SEMA6A: variants seen among roughly 807,000 people sequenced by gnomAD.
SEMA6A encodes semaphorin 6A.
SEMA6A carries 25 observed loss-of-function variants against 96.8 expected under a neutral mutation model. The observed-to-expected ratio is 0.26, with a 90% CI of 0.19 to 0.36. The LOEUF (loss-of-function observed/expected upper bound fraction) is 0.36, where lower values mean the gene tolerates loss of function less well. Among genes scored for constraint, SEMA6A ranks in the 10% least tolerant of loss-of-function variants. The pLI, the probability that SEMA6A is intolerant of heterozygous loss-of-function variation, is 1.00. For synonymous variants in SEMA6A, 612 were observed against 518.0 expected (o/e 1.18, Z -2.46); for missense variants, 1,363 against 1,323.1 (o/e 1.03, Z -0.47).
At chr5:116,487,925 G>A (rs1757138365) in intron 9 of SEMA6A, among the ~76,000 whole-genome samples, 183 bp downstream of exon 9, 1 of 152,072 alleles carries the variant, frequency 6.6e-6, no homozygotes, top group Non-Finnish European at 1.5e-5. Flanking sequence ...ATTTTCCATA[G>A]AAATACTTAA....
In SEMA6A at chr5:116,504,866, T is replaced by C. The variant is rs1241535229; in HGVS notation, c.79A>G (p.Ile27Val). The C allele has an allele frequency of 6.2e-7, 1 of 1,601,016 alleles. No individual in the cohort carries two copies. The highest frequency in any genetic ancestry group is 1.7e-5 in the Admixed American group (1 of 58,612). Residue 27 changes from isoleucine (I) to valine (V), a missense_variant, in exon 2 of 19, where the codon ATC becomes GTC. Coordinates refer to ENST00000343348, the MANE Select transcript of SEMA6A (RefSeq NM_020796.5). Reference protein sequence around the residue: ...GAGFPEDSEPISISHGNYTKQ... With the variant: ...GAGFPEDSEPVSISHGNYTKQ... ...TTACAGTTGCCATGCGAAATACTGA[T>C]TGGCTCAGAATCTTCTGGGAAACCA...
intron 1 of SEMA6A, among the ~76,000 whole-genome samples, chr5:116,518,638 G>A (rs369434292): frequency 3.3e-5 from 5 of 152,312 alleles, no homozygotes; most frequent in African/African-American, 1.2e-4. Context: ...GCATGCCTAG[G>A]CGTGTCACTC....
At chr5:116,564,311 G>C (rs1760939171) in intron 1 of SEMA6A, among the ~76,000 whole-genome samples, 1 of 152,144 alleles carries the variant, frequency 6.6e-6, no homozygotes, top group East Asian at 1.9e-4. Flanking sequence ...CCATTTGTAA[G>C]GAATTCAAAG....
chr5:116,468,835 G>C (rs966179911), intron 17 of SEMA6A: 1 of 152,222 alleles, frequency 6.6e-6, no homozygotes, highest in Admixed American at 6.5e-5. Flanking sequence ...TTGGTGGAAA[G>C]TAGGGCAGAC....
intron 18 of SEMA6A, among the ~76,000 whole-genome samples, chr5:116,460,132 T>C (rs1447190773): frequency 3.3e-5 from 5 of 152,168 alleles, no homozygotes; most frequent in African/African-American, 1.2e-4. Context: ...ATGGTTAACA[T>C]AACAGCTGTT....
intron 18 of SEMA6A, among the ~76,000 whole-genome samples, chr5:116,448,786 C>CA (rs1561461264): frequency 7.3e-6 from 1 of 136,902 alleles, no homozygotes; most frequent in Non-Finnish European, 1.6e-5. Flanking sequence ...ACAGTGCAAA[C>CA]TCAATTTCAG....
intron 7 of SEMA6A, among the ~76,000 whole-genome samples, chr5:116,489,810 G>A (rs1220734200): frequency 6.6e-6 from 1 of 152,120 alleles, no homozygotes; most frequent in African/African-American, 2.4e-5. Flanking sequence ...AGACCTTTTT[G>A]GTTCCTTCCT....
In SEMA6A at chr5:116,446,359, G is replaced by A. The variant is rs373406870; in HGVS notation, c.*254C>T. The A allele has an allele frequency of 2.1e-5, 8 of 386,044 alleles. No homozygotes were observed. The highest frequency in any genetic ancestry group is 8.2e-5 in the African/African-American group (4 of 48,826). 23.9% of individuals were successfully genotyped at this position (386,044 alleles called of 1,614,324 possible). Reference sequence around the variant, plus strand: ...GATAACTGAAGTCTTTTGTGGGTCCGACCTGTTGTAGGGTGTGGGGGAAAG... The same window carrying A: ...GATAACTGAAGTCTTTTGTGGGTCCAACCTGTTGTAGGGTGTGGGGGAAAG... On this transcript the variant is annotated 3_prime_UTR_variant, in exon 19 of 19. Transcript: ENST00000343348.
In SEMA6A at chr5:116,446,890, G is replaced by C; in HGVS notation, c.2816C>G (p.Thr939Ser). The C allele has an allele frequency of 1.2e-6, 2 of 1,613,978 alleles. No homozygotes were observed. Among genetic ancestry groups the C allele is most frequent in the Non-Finnish European group, 8.5e-7 (1 of 1,179,890 alleles). Residue 939 changes from threonine (T) to serine (S), a missense_variant, in exon 19 of 19, where the codon ACT becomes AGT. Around this residue, in one of 2 missense-constraint regions of SEMA6A, gnomAD observed 883 missense variants for 763.6 expected, o/e 1.16. Transcript: ENST00000343348. The part of the protein sequence containing the change: ...HQATTLKRNN[T>S]NSSNSSHLSR... Reference sequence around the variant, plus strand: ...GAGGTGAGAGGAATTGGAGGAGTTAGTGTTGTTTCTTTTGAGAGTGGTGGC... The same window carrying C: ...GAGGTGAGAGGAATTGGAGGAGTTACTGTTGTTTCTTTTGAGAGTGGTGGC...
At chr5:116,552,888 T>C (rs1760473063) in intron 1 of SEMA6A, among the ~76,000 whole-genome samples, 1 of 152,086 alleles carries the variant, frequency 6.6e-6, no homozygotes, top group South Asian at 2.1e-4. Context: ...CTTTTGTGGA[T>C]TGGGTGTAGG....
chr5:116,553,883 T>A (rs557688661), intron 1 of SEMA6A, among the ~76,000 whole-genome samples: 33 of 152,338 alleles, frequency 2.2e-4, no homozygotes, highest in African/African-American at 7.2e-4. Flanking sequence ...TACCATTTTT[T>A]AAAATAAGTA....
chr5:116,482,301 T>C, intron 11 of SEMA6A, 143 bp downstream of exon 11: 1 of 771,458 alleles, frequency 1.3e-6, no homozygotes, highest in Non-Finnish European at 2.1e-6. Context: ...AAGGTAACTT[T>C]GGGTTTTGGT....
chr5:116,475,531 A>C lies in SEMA6A; in HGVS notation c.1708+14T>G. On this transcript the variant is annotated intron_variant, in intron 16 of 18. Transcript: ENST00000343348. Reference sequence around the variant, plus strand: ...TTTGCCCAAAGATAAAAATGGATAAAAGACTGTACTTACTGTGACAGTCCC... The same window carrying C: ...TTTGCCCAAAGATAAAAATGGATAACAGACTGTACTTACTGTGACAGTCCC... 6.3e-7 allele frequency: 1 copy of C among 1,577,238 alleles called. No homozygotes were observed. Among genetic ancestry groups the C allele is most frequent in the East Asian group, 2.3e-5 (1 of 43,708 alleles).
chr5:116,537,123 T>C (rs1759750224), intron 1 of SEMA6A, among the ~76,000 whole-genome samples: 1 of 152,142 alleles, frequency 6.6e-6, no homozygotes, highest in Non-Finnish European at 1.5e-5. Flanking sequence ...TTCGCAACAG[T>C]TACACACACA....
At position 116,532,701 on chromosome 5, in the gene SEMA6A, C is replaced by A. The variant is rs1035963642; in HGVS notation, c.-38-27719G>T. ...AACACATGCTGACTCTTTTCCCTTC[C>A]CTTCTCTTTTCCCTAGGAAAATCAA... is the stretch of plus-strand genomic sequence containing the variant. On this transcript the variant is annotated intron_variant, in intron 1 of 18. Transcript: ENST00000343348. Among the ~76,000 whole-genome samples the A allele has an allele frequency of 3.9e-5, 6 of 152,126 alleles. No individual in the cohort carries two copies. In the East Asian group the frequency reaches 1.2e-3, roughly 29 times the overall value.
At chr5:116,500,745 C>T (rs1018524345) in intron 3 of SEMA6A, among the ~76,000 whole-genome samples, 5 of 152,184 alleles carry the variant, frequency 3.3e-5, no homozygotes, top group African/African-American at 1.2e-4. Flanking sequence ...TGGCTCACAC[C>T]TGTAATTCCG....
intron 2 of SEMA6A, among the ~76,000 whole-genome samples, chr5:116,503,597 C>T (rs891286039): frequency 2.0e-5 from 3 of 149,088 alleles, no homozygotes; most frequent in East Asian, 2.0e-4. Context: ...CTACACTCTC[C>T]GCCTCCCCAG....
chr5:116,453,221 T>C lies in SEMA6A; in HGVS notation c.1895-5410A>G, dbSNP rs1387068771. Among the ~76,000 whole-genome samples, 3 of 152,172 alleles carry C rather than the reference T, an allele frequency of 2.0e-5. No homozygotes were observed. In the East Asian group the frequency reaches 5.8e-4, roughly 29 times the overall value. On this transcript the variant is annotated intron_variant, in intron 18 of 18. Coordinates refer to ENST00000343348, the MANE Select transcript of SEMA6A (RefSeq NM_020796.5). ...CATACTCAAGCTTGCTTCATGGCTC[T>C]CATACAGGCTGTTCTCTCTGCCTGG...
chr5:116,480,211 A>G lies in SEMA6A; in HGVS notation c.1161T>C (p.Asp387=). ...GGTGCGTCTTGATGAAGTTCAGGGT[A>G]TCATCAGGGAACTCATTGGAGGTTG... The part of the protein sequence containing the change: ...RYATSNEFPD[D]TLNFIKTHPL... Residue 387 remains aspartate (D), a synonymous_variant, in exon 12 of 19, where the codon GAT becomes GAC. Transcript: ENST00000343348. The G allele has an allele frequency of 1.2e-6, 2 of 1,613,842 alleles. No individual in the cohort carries two copies. The highest frequency in any genetic ancestry group is 1.7e-6 in the Non-Finnish European group (2 of 1,179,752).
Sources: gnomAD v4.1 joint callset for allele counts (sites outside exome capture counted in the v4.1 genomes callset) on GRCh38, gnomAD v4.1.1 for gene constraint, gnomAD v4.1.1 regional missense constraint, MANE v1.5 for transcripts, NCBI Gene and HGNC (gene_info 2026-07-23, HGNC 2026-07-21) for gene names.